KIFAP3: variants seen among roughly 807,000 people sequenced by gnomAD.
KIFAP3 encodes kinesin-associated protein 3.
In KIFAP3, 68 loss-of-function variants were observed where a neutral mutation model predicts 106.5. The ratio of observed to expected loss-of-function variants is 0.64; its 90% CI spans 0.53 to 0.78. The LOEUF (loss-of-function observed/expected upper bound fraction) is 0.78, where lower values mean the gene tolerates loss of function less well. KIFAP3 is among the 30% of genes least tolerant of loss of function. The pLI is 0.00. For synonymous variants in KIFAP3, 320 were observed against 311.5 expected, an observed-to-expected ratio of 1.03 and a Z score of -0.29; for missense variants, 780 against 941.8, an observed-to-expected ratio of 0.83 and a Z score of 2.25.
intron 9 of KIFAP3, among the ~76,000 whole-genome samples, chr1:170,017,845 G>T (rs898392462): frequency 6.6e-6 from 1 of 152,116 alleles, no homozygotes; most frequent in African/African-American, 2.4e-5. Context: ...TCTGTTAACT[G>T]ACAAATGGAA....
intron 10 of KIFAP3, 90 bp downstream of exon 10, chr1:170,016,372 T>C: frequency 1.0e-6 from 1 of 965,898 alleles, no homozygotes. Flanking sequence ...AGAATGCTTT[T>C]TGTTCAGGAG....
At chr1:170,047,566 A>C (rs1670322497) in intron 2 of KIFAP3, among the ~76,000 whole-genome samples, 1 of 140,634 alleles carries the variant, frequency 7.1e-6, no homozygotes, top group African/African-American at 2.7e-5. Context: ...GGTTGCAGTG[A>C]GCTGAGATCG....
At chr1:170,001,728 C>T (rs916726050) in intron 10 of KIFAP3, among the ~76,000 whole-genome samples, 3 of 152,036 alleles carry the variant, frequency 2.0e-5, no homozygotes, top group Admixed American at 1.3e-4. Context: ...AAAAAATCTA[C>T]TTTAAGTTTC....
At chr1:169,978,229 A>G (rs779801203) in intron 15 of KIFAP3, 46 bp from the exon 16 acceptor site, 4 of 1,228,934 alleles carry the variant, frequency 3.3e-6, no homozygotes, top group South Asian at 1.2e-5. Context: ...ATGTTTATAT[A>G]CCAAATTTAA....
intron 3 of KIFAP3, among the ~76,000 whole-genome samples, chr1:170,044,881 G>T (rs952935246): frequency 6.6e-6 from 1 of 152,158 alleles, no homozygotes; most frequent in African/African-American, 2.4e-5. Flanking sequence ...GACTGAAGAG[G>T]AGTCAAGAAA....
At chr1:169,973,105 G>GTGTGTGTA (rs145406203) in intron 16 of KIFAP3, among the ~76,000 whole-genome samples, 6 of 90,308 alleles carry the variant, frequency 6.6e-5, no homozygotes, top group African/African-American at 2.7e-4. Context: ...AAAATAGTGT[G>GTGTGTGTA]TATATATATA....
chr1:170,011,889 G>A (rs1375650860), intron 10 of KIFAP3, among the ~76,000 whole-genome samples: 1 of 152,078 alleles, frequency 6.6e-6, no homozygotes, highest in African/African-American at 2.4e-5. Context: ...ATTAACAAAT[G>A]TAAAAATGAC....
chr1:169,981,354 C>T (rs910672362), intron 15 of KIFAP3, among the ~76,000 whole-genome samples: 2 of 152,154 alleles, frequency 1.3e-5, no homozygotes, highest in African/African-American at 4.8e-5. Flanking sequence ...CCAGTGTATC[C>T]AGGATGTACA....
At chr1:170,074,175 CT>C (rs1185894641) in intron 1 of KIFAP3, among the ~76,000 whole-genome samples, 4 of 152,178 alleles carry the variant, frequency 2.6e-5, no homozygotes, top group Non-Finnish European at 5.9e-5. Flanking sequence ...CCCTCTCCCC[CT>C]GGAATAAGGT....
At chr1:170,044,903 T>C (rs1315452097) in intron 3 of KIFAP3, among the ~76,000 whole-genome samples, 1 of 152,234 alleles carries the variant, frequency 6.6e-6, no homozygotes, top group Non-Finnish European at 1.5e-5. Flanking sequence ...CTTTTTTTTC[T>C]TTTGAGCTAT....
At chr1:169,977,849 T>G (rs1303871022) in intron 16 of KIFAP3, among the ~76,000 whole-genome samples, 1 of 152,140 alleles carries the variant, frequency 6.6e-6, no homozygotes, top group East Asian at 1.9e-4. Context: ...ATATGTTTGT[T>G]AAGTTTCTTA....
chr1:170,054,147 A>G (rs1670718996), intron 2 of KIFAP3, among the ~76,000 whole-genome samples: 1 of 152,210 alleles, frequency 6.6e-6, no homozygotes, highest in South Asian at 2.1e-4. Context: ...CAAATTTACA[A>G]GAGAAAAAAC....
intron 8 of KIFAP3, among the ~76,000 whole-genome samples, chr1:170,030,203 G>T (rs1166208270): frequency 6.6e-6 from 1 of 151,772 alleles, no homozygotes; most frequent in Non-Finnish European, 1.5e-5. Flanking sequence ...TCTGATAAAT[G>T]CTTATATCCA....
At chr1:169,984,778 C>G (rs1294149891) in intron 11 of KIFAP3, 88 bp from the exon 12 acceptor site, 8 of 672,776 alleles carry the variant, frequency 1.2e-5, no homozygotes, top group Non-Finnish European at 2.1e-5. Flanking sequence ...AATGTGTTAT[C>G]TTAGATTGTA....
chr1:169,940,278 G>T (rs1361716535), intron 19 of KIFAP3, among the ~76,000 whole-genome samples: 1 of 152,184 alleles, frequency 6.6e-6, no homozygotes, highest in Middle Eastern at 3.2e-3. Flanking sequence ...CTGTTGTGAA[G>T]AGTAAATTAG....
At chr1:170,037,458 G>A (rs1220487883) in intron 5 of KIFAP3, among the ~76,000 whole-genome samples, 1 of 152,084 alleles carries the variant, frequency 6.6e-6, no homozygotes, top group African/African-American at 2.4e-5. Context: ...CAGGGCGCCT[G>A]GTGGCTCACA....
At chr1:170,066,357 A>G (rs180925000) in intron 1 of KIFAP3, among the ~76,000 whole-genome samples, 66 of 152,288 alleles carry the variant, frequency 4.3e-4, no homozygotes, top group Admixed American at 1.2e-3. Flanking sequence ...TCATATTGGT[A>G]AAACCAAAAC....
chr1:170,051,370 C>T (rs563800458), intron 2 of KIFAP3, among the ~76,000 whole-genome samples: 65 of 152,176 alleles, frequency 4.3e-4, no homozygotes, highest in African/African-American at 1.5e-3. Context: ...TACAAAGAGA[C>T]TTAGATTCCC....
In KIFAP3 at chr1:170,055,445, C is replaced by G; in HGVS notation, c.33-9G>C. ...TCCCTCCTTTAACTTTCCTATAATA[C>G]AAAATTGAAATGATATAACCAGATT... On this transcript the variant is annotated splice_polypyrimidine_tract_variant and intron_variant, in intron 1 of 19. Transcript: ENST00000361580. The G allele has an allele frequency of 6.4e-7, 1 of 1,570,572 alleles. No homozygotes were observed. Among genetic ancestry groups the G allele is most frequent in the Non-Finnish European group, 8.6e-7 (1 of 1,160,638 alleles).
Sources: allele counts gnomAD v4.1 joint callset (sites outside exome capture counted in the v4.1 genomes callset), GRCh38; gene constraint gnomAD v4.1.1; transcripts MANE v1.5; gene names NCBI Gene and HGNC (gene_info 2026-07-23, HGNC 2026-07-21).